The following NRXN3 variants were observed in gnomAD, a reference collection of about 807,000 sequenced individuals.
NRXN3 encodes the protein neurexin III.
NRXN3 carries 32 observed loss-of-function variants against 137.6 expected under a neutral mutation model. That is an observed-to-expected ratio of 0.23 (90% CI 0.18 to 0.31). NRXN3 has a LOEUF of 0.31. Ranked by LOEUF, NRXN3 falls within the 10% of genes least tolerant of loss-of-function variation. NRXN3 has a pLI of 1.00. For synonymous variants in NRXN3, 798 were observed against 784.5 expected (o/e 1.02, Z -0.29); for missense variants, 1,574 against 2,062.5 (o/e 0.76, Z 4.59).
chr14:78,322,311 G>T (rs1597316864), intron 4 of NRXN3, among the ~76,000 whole-genome samples: 1 of 151,986 alleles, frequency 6.6e-6, no homozygotes, highest in East Asian at 1.9e-4. Context: ...GAGTAAGGAG[G>T]TTGCACTCCC....
intron 16 of NRXN3, among the ~76,000 whole-genome samples, chr14:79,509,905 C>T (rs2096915972): frequency 6.6e-6 from 1 of 152,048 alleles, no homozygotes; most frequent in African/African-American, 2.4e-5. Context: ...ACAACAACCT[C>T]CAAAAAAGAA....
At chr14:79,726,175 A>T (rs2098887905) in intron 19 of NRXN3, among the ~76,000 whole-genome samples, 1 of 152,184 alleles carries the variant, frequency 6.6e-6, no homozygotes, top group South Asian at 2.1e-4. Context: ...ATATTTGTTT[A>T]AAAAGGAAGT....
At chr14:79,766,371 A>G (rs1312970115) in intron 19 of NRXN3, among the ~76,000 whole-genome samples, 1 of 152,166 alleles carries the variant, frequency 6.6e-6, no homozygotes, top group African/African-American at 2.4e-5. Flanking sequence ...GGTTGTCCGC[A>G]TCTTATGTAT....
intron 15 of NRXN3, among the ~76,000 whole-genome samples, chr14:79,430,293 T>C (rs2095727547): frequency 6.6e-6 from 1 of 152,206 alleles, no homozygotes; most frequent in Non-Finnish European, 1.5e-5. Flanking sequence ...GTGAGAATTT[T>C]GCTGTTCTGG....
At chr14:79,288,721 C>T (rs1172427832) in intron 15 of NRXN3, among the ~76,000 whole-genome samples, 1 of 152,300 alleles carries the variant, frequency 6.6e-6, no homozygotes, top group African/African-American at 2.4e-5. Flanking sequence ...GAATCAAGTA[C>T]ACAGATTGAT....
intron 4 of NRXN3, among the ~76,000 whole-genome samples, chr14:78,431,096 C>T (rs1042650762): frequency 1.3e-5 from 2 of 152,104 alleles, no homozygotes; most frequent in Non-Finnish European, 2.9e-5. Context: ...ACCTTAAGTA[C>T]TGATTTGATG....
intron 4 of NRXN3, among the ~76,000 whole-genome samples, chr14:78,325,530 T>C (rs2079960333): frequency 6.6e-6 from 1 of 152,190 alleles, no homozygotes; most frequent in African/African-American, 2.4e-5. Flanking sequence ...AAGTGCTTGA[T>C]AGATGTTATC....
At chr14:79,711,751 G>T (rs1485090935) in intron 19 of NRXN3, among the ~76,000 whole-genome samples, 1 of 152,178 alleles carries the variant, frequency 6.6e-6, no homozygotes, top group East Asian at 1.9e-4. Context: ...TTTGACTATT[G>T]AAGCCACCTT....
At chr14:78,905,612 A>G (rs2099213526) in intron 10 of NRXN3, among the ~76,000 whole-genome samples, 1 of 152,046 alleles carries the variant, frequency 6.6e-6, no homozygotes, top group African/African-American at 2.4e-5. Flanking sequence ...TACATTTTTC[A>G]TTTTCTTTCC....
intron 4 of NRXN3, among the ~76,000 whole-genome samples, chr14:78,495,882 A>G (rs1161291880): frequency 6.6e-6 from 1 of 152,224 alleles, no homozygotes; most frequent in Non-Finnish European, 1.5e-5. Context: ...AAAATGACAA[A>G]TCAGTTATCA....
intron 15 of NRXN3, among the ~76,000 whole-genome samples, chr14:79,054,599 G>C (rs2099652673): frequency 6.6e-6 from 1 of 152,206 alleles, no homozygotes; most frequent in Non-Finnish European, 1.5e-5. Context: ...TGGGAATGCA[G>C]AGAACTGAAG....
intron 15 of NRXN3, among the ~76,000 whole-genome samples, chr14:79,146,560 A>G (rs570921971): frequency 4.6e-5 from 7 of 152,278 alleles, no homozygotes; most frequent in Admixed American, 3.9e-4. Context: ...CTTGAAAAAA[A>G]GAGTGACAAC....
chr14:79,780,669 T>C lies in NRXN3; in HGVS notation c.4015-24443T>C, dbSNP rs79795549. Among the ~76,000 whole-genome samples the C allele has an allele frequency of 2.5e-3, 375 of 152,316 alleles. 1 individual carries two copies. Among genetic ancestry groups the C allele is most frequent in the African/African-American group, 8.8e-3 (366 of 41,564 alleles). ...TGAGATGGGTTCAATACAATCTCAATTTAGAATACTTAAAAGATGAAAAGT... is the reference window on the plus strand; with the variant it reads ...TGAGATGGGTTCAATACAATCTCAACTTAGAATACTTAAAAGATGAAAAGT... On this transcript the variant is annotated intron_variant, in intron 19 of 20. Transcript: ENST00000335750.
At chr14:79,048,092 A>G (rs2099635702) in intron 15 of NRXN3, among the ~76,000 whole-genome samples, 1 of 125,034 alleles carries the variant, frequency 8.0e-6, no homozygotes, top group Non-Finnish European at 1.7e-5. Flanking sequence ...AATAAAAATA[A>G]TAAACTACAA....
intron 16 of NRXN3, among the ~76,000 whole-genome samples, chr14:79,571,239 A>T (rs1262673208): frequency 6.6e-6 from 1 of 152,150 alleles, no homozygotes; most frequent in Non-Finnish European, 1.5e-5. Context: ...ATTAGCTTGG[A>T]CTAGCTTTTG....
At position 78,966,344 on chromosome 14, in the gene NRXN3, T is replaced by C. The variant is rs764175126; in HGVS notation, c.2715T>C (p.Asp905=). 4.3e-6 allele frequency: 7 copies of C among 1,614,214 alleles called. No homozygotes were observed. Among genetic ancestry groups the C allele is most frequent in the Non-Finnish European group, 5.9e-6 (7 of 1,180,020 alleles). The change falls in exon 12 of 21, where the codon GAT becomes GAC. Residue 905 remains aspartate, a synonymous_variant. Transcript: ENST00000335750. ...LFFQFKTTSP[D]GFILFNSGDG... is the part of the protein sequence containing the mutation. Reference sequence around the variant, plus strand: ...TCCAGTTCAAGACCACCTCACCAGATGGCTTCATTCTCTTCAATAGTGGTG... The same window carrying C: ...TCCAGTTCAAGACCACCTCACCAGACGGCTTCATTCTCTTCAATAGTGGTG...
rs148494593 is a variant in NRXN3, at chr14:78,689,745, A to G, written c.1222-19472A>G. Among the ~76,000 whole-genome samples the G allele has an allele frequency of 2.9e-3, 435 of 152,198 alleles. 6 individuals are homozygous for G. Among genetic ancestry groups the G allele is most frequent in the African/African-American group, 9.8e-3 (409 of 41,526 alleles). ...TCCTCCTTCTAGGCTGGAATAATGTACTATTATTGACACCCCTTCTCTGGA... is the reference window on the plus strand; with the variant it reads ...TCCTCCTTCTAGGCTGGAATAATGTGCTATTATTGACACCCCTTCTCTGGA... On this transcript the variant is annotated intron_variant, in intron 6 of 20. Coordinates refer to ENST00000335750, the MANE Select transcript of NRXN3 (RefSeq NM_001330195.2).
intron 6 of NRXN3, among the ~76,000 whole-genome samples, chr14:78,671,222 G>T (rs112688353): frequency 6.6e-6 from 1 of 152,124 alleles, no homozygotes; most frequent in Non-Finnish European, 1.5e-5. Context: ...GGACCAATAC[G>T]TTGAGAACTG....
At chr14:78,354,384 A>G (rs956396426) in intron 4 of NRXN3, among the ~76,000 whole-genome samples, 2 of 152,178 alleles carry the variant, frequency 1.3e-5, no homozygotes, top group African/African-American at 4.8e-5. Context: ...TCCCTGTGAA[A>G]TTCAGAGCAG....
Sources: gnomAD v4.1 joint callset for allele counts (sites outside exome capture counted in the v4.1 genomes callset) on GRCh38, gnomAD v4.1.1 for gene constraint, MANE v1.5 for transcripts, NCBI Gene and HGNC (gene_info 2026-07-23, HGNC 2026-07-21) for gene names.